CNBD1: variants seen among roughly 807,000 people sequenced by gnomAD.
CNBD1 encodes cyclic nucleotide binding domain containing 1.
Under a neutral mutation model 54.4 loss-of-function variants are expected in CNBD1, and 71 were observed. The ratio of observed to expected loss-of-function variants is 1.30; its 90% CI spans 1.08 to 1.59. The LOEUF (loss-of-function observed/expected upper bound fraction) is 1.59, where lower values mean the gene tolerates loss of function less well. Ranked by LOEUF, CNBD1 falls within the 40% of genes most tolerant of loss-of-function variation. The probability of loss-of-function intolerance (pLI) is 0.00; values close to 1 mark genes in which losing one functional copy is unlikely to be tolerated. For synonymous variants in CNBD1, 182 were observed against 170.7 expected, an observed-to-expected ratio of 1.07 and a Z score of -0.51; for missense variants, 659 against 518.0, an observed-to-expected ratio of 1.27 and a Z score of -2.64.
intron 8 of CNBD1, among the ~76,000 whole-genome samples, chr8:87,315,892 G>T (rs564740902): frequency 1.2e-4 from 18 of 152,080 alleles, no homozygotes; most frequent in Non-Finnish European, 1.8e-4. Flanking sequence ...AAATGTTTGA[G>T]GTGATGGATT....
intron 4 of CNBD1, among the ~76,000 whole-genome samples, chr8:86,942,464 A>G (rs1221434765): frequency 2.0e-5 from 3 of 152,206 alleles, no homozygotes; most frequent in Non-Finnish European, 4.4e-5. Context: ...GGTTGTTGGC[A>G]GGATTCAGTT....
At chr8:87,111,786 C>G (rs1028310594) in intron 4 of CNBD1, among the ~76,000 whole-genome samples, 1 of 152,056 alleles carries the variant, frequency 6.6e-6, no homozygotes, top group Non-Finnish European at 1.5e-5. Context: ...TAGGACACCC[C>G]CCTCCCGCCC....
intron 5 of CNBD1, among the ~76,000 whole-genome samples, chr8:87,210,854 CA>C (rs920722535): frequency 6.6e-6 from 1 of 152,192 alleles, no homozygotes; most frequent in Non-Finnish European, 1.5e-5. Flanking sequence ...AGGTCCTACA[CA>C]GAGTCCTCAC....
chr8:87,390,080 C>G (rs538365275), intron 2 of CNBD1, among the ~76,000 whole-genome samples: 1 of 150,916 alleles, frequency 6.6e-6, no homozygotes, highest in South Asian at 2.1e-4. Context: ...TTCCTTACAC[C>G]TTATACAAAA....
In CNBD1 at chr8:86,939,892, C is replaced by T. The variant is rs551295090; in HGVS notation, c.431+138C>T. ...ATGGTTGATTCAGGAGAGATGGACA[C>T]ACTGGAGACTTTGTTTCTATATAAA... On this transcript the variant is annotated intron_variant, in intron 4 of 10. Coordinates refer to ENST00000518476, the MANE Select transcript of CNBD1 (RefSeq NM_173538.3). The T allele has an allele frequency of 3.1e-4, 156 of 511,470 alleles. No individual in the cohort carries two copies. In the East Asian group the frequency reaches 4.2e-3, roughly 14 times the overall value. 31.7% of individuals were successfully genotyped at this position (511,470 alleles called of 1,614,324 possible).
chr8:87,354,432 T>A (rs1356288779), intron 10 of CNBD1, among the ~76,000 whole-genome samples: 1 of 151,926 alleles, frequency 6.6e-6, no homozygotes, highest in Non-Finnish European at 1.5e-5. Flanking sequence ...ATACTTTAAG[T>A]TTTAGGGTAC....
At chr8:86,888,976 T>C (rs938996488) in intron 2 of CNBD1, among the ~76,000 whole-genome samples, 7 of 152,194 alleles carry the variant, frequency 4.6e-5, no homozygotes, top group Non-Finnish European at 7.3e-5. Flanking sequence ...GATTGAATCA[T>C]TCCTCTTGGG....
chr8:87,426,755 G>T (rs565311063), intron 2 of CNBD1, among the ~76,000 whole-genome samples: 1 of 152,222 alleles, frequency 6.6e-6, no homozygotes, highest in South Asian at 2.1e-4. Flanking sequence ...CACTTAGTGT[G>T]CATAATCAAA....
chr8:86,975,644 G>A (rs559217234), intron 4 of CNBD1, among the ~76,000 whole-genome samples: 1 of 152,078 alleles, frequency 6.6e-6, no homozygotes, highest in Admixed American at 6.6e-5. Flanking sequence ...GAGCACTTCA[G>A]TTGTTTCTAT....
intron 3 of CNBD1, among the ~76,000 whole-genome samples, chr8:86,917,990 A>G (rs1266283129): frequency 6.6e-6 from 1 of 152,236 alleles, no homozygotes; most frequent in Non-Finnish European, 1.5e-5. Flanking sequence ...TTCTTTATAG[A>G]AAGTAAACTA....
chr8:87,307,222 A>G (rs1384438876), intron 8 of CNBD1, among the ~76,000 whole-genome samples: 1 of 152,210 alleles, frequency 6.6e-6, no homozygotes, highest in African/African-American at 2.4e-5. Context: ...TACAATGCAA[A>G]CGAAAATTGT....
intron 4 of CNBD1, among the ~76,000 whole-genome samples, chr8:87,052,716 G>A (rs1187443574): frequency 6.6e-6 from 1 of 152,142 alleles, no homozygotes; most frequent in Non-Finnish European, 1.5e-5. Flanking sequence ...CTTTTCTGCT[G>A]CCTGTAAGGT....
intron 4 of CNBD1, among the ~76,000 whole-genome samples, chr8:86,957,437 C>A (rs758533178): frequency 1.3e-5 from 2 of 152,096 alleles, no homozygotes; most frequent in Non-Finnish European, 2.9e-5. Context: ...TGGTAGAATT[C>A]GGCTGTGAAT....
chr8:87,253,936 A>G (rs1277975901), intron 6 of CNBD1, among the ~76,000 whole-genome samples: 1 of 152,228 alleles, frequency 6.6e-6, no homozygotes, highest in African/African-American at 2.4e-5. Flanking sequence ...TTGAGTCACT[A>G]GTAAAATTCT....
At chr8:87,188,777 TAAGTA>T (rs2130783797) in intron 4 of CNBD1, among the ~76,000 whole-genome samples, 1 of 143,050 alleles carries the variant, frequency 7.0e-6, no homozygotes, top group African/African-American at 2.6e-5. Flanking sequence ...AAATAAAAAA[TAAGTA>T]AATAAATAAA....
At chr8:87,364,589 T>C (rs766619025) in intron 10 of CNBD1, among the ~76,000 whole-genome samples, 3 of 151,950 alleles carry the variant, frequency 2.0e-5, no homozygotes, top group Admixed American at 6.6e-5. Flanking sequence ...TTTTGTCACC[T>C]AGGTATCAAG....
intron 2 of CNBD1, among the ~76,000 whole-genome samples, chr8:87,427,388 A>G (rs182471864): frequency 6.6e-5 from 10 of 152,258 alleles, no homozygotes; most frequent in African/African-American, 2.4e-4. Flanking sequence ...ATGAATATTG[A>G]TTATTCAGTA....
intron 4 of CNBD1, among the ~76,000 whole-genome samples, chr8:87,190,677 T>C (rs1813582378): frequency 6.6e-6 from 1 of 152,072 alleles, no homozygotes; most frequent in African/African-American, 2.4e-5. Context: ...TGTGTCACTT[T>C]GAAGGCCCTT....
chr8:87,147,556 A>G (rs957340255), intron 4 of CNBD1, among the ~76,000 whole-genome samples: 23 of 152,120 alleles, frequency 1.5e-4, no homozygotes, highest in Admixed American at 2.0e-4. Flanking sequence ...CTTATTCAAT[A>G]TTTAAATTAA....
Sources: gnomAD v4.1 joint callset for allele counts (sites outside exome capture counted in the v4.1 genomes callset) on GRCh38, gnomAD v4.1.1 for gene constraint, MANE v1.5 for transcripts, NCBI Gene and HGNC (gene_info 2026-07-23, HGNC 2026-07-21) for gene names.